The following SEMA4D variants were observed in gnomAD, a reference collection of about 807,000 sequenced individuals.
The protein encoded by SEMA4D is semaphorin-4D.
SEMA4D carries 22 observed loss-of-function variants against 74.8 expected under a neutral mutation model. The ratio of observed to expected loss-of-function variants is 0.29; its 90% CI spans 0.21 to 0.42. The LOEUF is 0.42. Ranked by LOEUF, SEMA4D falls within the 10% of genes least tolerant of loss-of-function variation. The pLI is 1.00. For missense variants in SEMA4D, 937 were observed against 1,118.4 expected, an observed-to-expected ratio of 0.84 and a Z score of 2.31; for synonymous variants, 445 against 463.7, an observed-to-expected ratio of 0.96 and a Z score of 0.52.
chr9:89,461,698 C>CTTTTTTTTTTTTTT (rs1564875900), intron 1 of SEMA4D, among the ~76,000 whole-genome samples: 1 of 67,944 alleles, frequency 1.5e-5, no homozygotes, highest in Non-Finnish European at 3.1e-5. Flanking sequence ...TTTCTTTTTT[C>CTTTTTTTTTTTTTT]TCTTTTTTTT....
intron 2 of SEMA4D, among the ~76,000 whole-genome samples, chr9:89,446,634 C>A (rs1852933770): frequency 1.3e-5 from 2 of 152,360 alleles, no homozygotes; most frequent in South Asian, 4.1e-4. Flanking sequence ...CCGAGGCTCC[C>A]TGCACAAAGG....
chr9:89,384,698 G>A, intron 13 of SEMA4D: 1 of 985,012 alleles, frequency 1.0e-6, no homozygotes, highest in Non-Finnish European at 1.2e-6. Flanking sequence ...TCAGGGGAGA[G>A]GAGGTGAGGG....
In SEMA4D at chr9:89,445,766, C is replaced by T. The variant is rs141866733; in HGVS notation, c.-244+10122G>A. On this transcript the variant is annotated intron_variant, in intron 2 of 15. Coordinates refer to ENST00000422704, the MANE Select transcript of SEMA4D (RefSeq NM_001371194.2). ...GGTCTTTTTGTTCTATTAAGGCCTT[C>T]GACAGATTGGGTGAGGCCAACTCAC... Among the ~76,000 whole-genome samples, 620 of 152,254 alleles carry T rather than the reference C, an allele frequency of 4.1e-3. 9 individuals are homozygous for T. The highest frequency in any genetic ancestry group is 0.019 in the East Asian group (98 of 5,168).
intron 18 of SEMA4D, chr9:89,363,342 A>C: frequency 6.4e-7 from 1 of 1,572,126 alleles, no homozygotes; most frequent in Non-Finnish European, 8.6e-7. Context: ...TCCATGCTGA[A>C]TGGGGCCCTT....
intron 4 of SEMA4D, among the ~76,000 whole-genome samples, chr9:89,402,636 G>C (rs1842455498): frequency 6.6e-6 from 1 of 151,468 alleles, no homozygotes; most frequent in African/African-American, 2.4e-5. Flanking sequence ...TGGCATAGCT[G>C]TCTCTGCTCA....
intron 2 of SEMA4D, among the ~76,000 whole-genome samples, chr9:89,433,406 A>G (rs372076547): frequency 1.3e-5 from 2 of 152,156 alleles, no homozygotes; most frequent in Non-Finnish European, 2.9e-5. Context: ...AGGGGTCTCC[A>G]ATCGGCAGGG....
chr9:89,375,739 G>T (rs574455655), downstream of SEMA4D, among the ~76,000 whole-genome samples: 2 of 152,228 alleles, frequency 1.3e-5, no homozygotes, highest in African/African-American at 2.4e-5. Flanking sequence ...ATACATCTTT[G>T]AAGTGTGGTT....
intron 16 of SEMA4D, among the ~76,000 whole-genome samples, chr9:89,366,121 C>T (rs1157838962): frequency 1.3e-5 from 2 of 152,136 alleles, no homozygotes; most frequent in Non-Finnish European, 2.9e-5. Flanking sequence ...GTCACTCATT[C>T]GAAGTGCCAT....
chr9:89,400,699 A>C (rs1015436085), intron 4 of SEMA4D, among the ~76,000 whole-genome samples: 1 of 152,252 alleles, frequency 6.6e-6, no homozygotes, highest in Non-Finnish European at 1.5e-5. Flanking sequence ...CATGAAATGC[A>C]TAAGGACAAG....
At chr9:89,445,307 T>C (rs1188964323) in intron 2 of SEMA4D, among the ~76,000 whole-genome samples, 1 of 152,188 alleles carries the variant, frequency 6.6e-6, no homozygotes, top group African/African-American at 2.4e-5. Flanking sequence ...GGCCAGGGTA[T>C]TCACGGAAGC....
chr9:89,385,866 G>GGGGGGGGCCCCCCCC, intron 13 of SEMA4D: 4 of 196,222 alleles, frequency 2.0e-5, no homozygotes, highest in Non-Finnish European at 3.6e-5. Context: ...CAGCGTGGAT[G>GGGGGGGGCCCCCCCC]CCCGCCCACC....
intron 1 of SEMA4D, among the ~76,000 whole-genome samples, chr9:89,475,682 T>G (rs1861565886): frequency 6.6e-6 from 1 of 152,198 alleles, no homozygotes; most frequent in African/African-American, 2.4e-5. Flanking sequence ...CAGGCTGTGT[T>G]TCTCCCGCCT....
intron 1 of SEMA4D, chr9:89,497,434 T>C (rs1010821300): frequency 1.1e-4 from 16 of 151,950 alleles, no homozygotes; most frequent in Admixed American, 9.2e-4. Flanking sequence ...GCGACCAAAA[T>C]AGAAGCCCGC....
chr9:89,370,195 G>C (rs1394092632), intron 16 of SEMA4D, among the ~76,000 whole-genome samples: 1 of 151,574 alleles, frequency 6.6e-6, no homozygotes, highest in East Asian at 1.9e-4. Context: ...TGTGTGTGTG[G>C]TGTGTGTGAT....
chr9:89,396,832 C>G lies in SEMA4D; in HGVS notation c.319G>C (p.Glu107Gln). The change falls in exon 6 of 16, where the codon GAG becomes CAG. Residue 107 changes from glutamate (E) to glutamine (Q), a missense_variant. Glu to Gln is a conservative substitution (Grantham distance 29). Coordinates refer to ENST00000422704, the MANE Select transcript of SEMA4D (RefSeq NM_001371194.2). ...AGCACCCGGATGTAGTTGAGGCACT[C>G]TGTCTGCAGGGAAGAGAAATGCACC... ...CAEKGKSKQT[E>Q]CLNYIRVLQP... 1 of 1,613,106 alleles carries G rather than the reference C, an allele frequency of 6.2e-7. No homozygotes were observed. Among genetic ancestry groups the G allele is most frequent in the Non-Finnish European group, 8.5e-7 (1 of 1,179,464 alleles).
rs1008503551 is a variant in SEMA4D, at chr9:89,484,533, G to A, written c.-310+13386C>T. Among the ~76,000 whole-genome samples, 2 of 151,302 alleles carry A rather than the reference G, an allele frequency of 1.3e-5. No individual in the cohort carries two copies. The highest frequency in any genetic ancestry group is 4.9e-5 in the African/African-American group (2 of 41,130). On this transcript the variant is annotated intron_variant, in intron 1 of 15. Transcript: ENST00000422704. The surrounding 1 kb of genome is among the most constrained non-coding windows in gnomAD (Gnocchi z 4.1). ...TAGTGTGTGTGGTGTGTATGGACTGGGTGTGTGGGGTGGGGAGGTACGTGT... is the reference window on the plus strand; with the variant it reads ...TAGTGTGTGTGGTGTGTATGGACTGAGTGTGTGGGGTGGGGAGGTACGTGT...
At chr9:89,428,902 T>C (rs1187255523) in intron 2 of SEMA4D, among the ~76,000 whole-genome samples, 1 of 152,130 alleles carries the variant, frequency 6.6e-6, no homozygotes, top group Non-Finnish European at 1.5e-5. Context: ...GCCCCCTGGG[T>C]CCCTCAGGGC....
intron 16 of SEMA4D, among the ~76,000 whole-genome samples, chr9:89,370,332 CAT>C (rs1188626981): frequency 2.0e-5 from 3 of 149,200 alleles, no homozygotes; most frequent in Non-Finnish European, 3.0e-5. Flanking sequence ...TGTTGTGGTA[CAT>C]GTGTCGTGTG....
Position 89,378,529 on chromosome 9 carries a change from C to A in SEMA4D, c.*175G>T, listed in dbSNP as rs1003838562. The A allele has an allele frequency of 1.7e-5, 10 of 592,170 alleles. No individual in the cohort carries two copies. Among genetic ancestry groups the A allele is most frequent in the Non-Finnish European group, 3.0e-5 (10 of 334,486 alleles). The allele number at this position is 592,170 out of a possible 1,614,324, so 36.7% of individuals were successfully genotyped here. A position where few individuals can be genotyped will look rare whatever the true frequency, so the allele number is the denominator to read the frequency against. ...ATTTTTCCAAAAGGACAAAGAGAAACCAAGTCACAGGCTCAACCCAAGAGA... is the reference window on the plus strand; with the variant it reads ...ATTTTTCCAAAAGGACAAAGAGAAAACAAGTCACAGGCTCAACCCAAGAGA... On this transcript the variant is annotated 3_prime_UTR_variant, in exon 16 of 16. Transcript: ENST00000422704.
Sources: gnomAD v4.1 joint callset for allele counts (sites outside exome capture counted in the v4.1 genomes callset) on GRCh38, gnomAD v4.1.1 for gene constraint, Gnocchi (gnomAD v3.1) non-coding constraint, MANE v1.5 for transcripts, NCBI Gene and HGNC (gene_info 2026-07-23, HGNC 2026-07-21) for gene names.